Variants in PCDHGA2 observed in about 807,000 individuals in gnomAD.
PCDHGA2 encodes the protein protocadherin gamma subfamily A, 2, also known as protocadherin gamma-A2.
Under a neutral mutation model 59.2 loss-of-function variants are expected in PCDHGA2, and 40 were observed. The observed-to-expected ratio is 0.68, with a 90% CI of 0.52 to 0.88. PCDHGA2 has a LOEUF of 0.88. Among genes scored for constraint, PCDHGA2 ranks in the 40% least tolerant of loss-of-function variants. The pLI, the probability that PCDHGA2 is intolerant of heterozygous loss-of-function variation, is 0.00. For missense variants in PCDHGA2, 1,226 were observed against 1,204.0 expected, an observed-to-expected ratio of 1.02 and a Z score of -0.27; for synonymous variants, 560 against 526.0, an observed-to-expected ratio of 1.06 and a Z score of -0.89.
chr5:141,339,652 C>A lies in PCDHGA2; in HGVS notation c.681C>A (p.Arg227=), dbSNP rs1448747367. ...ACCCAGTGCTATCTGGCACCTCCCG[C>A]ATCTGCGTGAAGGTCCTGGATGCGA... The part of the protein sequence containing the change: ...GGDPVLSGTS[R]ICVKVLDAND... The change falls in exon 1 of 4, where the codon CGC becomes CGA. Residue 227 remains arginine, a synonymous_variant. Transcript: ENST00000394576. 2.5e-6 allele frequency: 4 copies of A among 1,614,090 alleles called. No individual in the cohort carries two copies. Among genetic ancestry groups the A allele is most frequent in the Admixed American group, 3.3e-5 (2 of 60,004 alleles).
intron 1 of PCDHGA2, among the ~76,000 whole-genome samples, chr5:141,347,056 T>TTCCTTCCTTCCTTCCTCTCTCTCTTTCC (rs1561493149): frequency 7.4e-6 from 1 of 135,426 alleles, no homozygotes; most frequent in African/African-American, 3.1e-5. Flanking sequence ...TCTTTCCTCC[T>TTCCTTCCTTCCTTCCTCTCTCTCTTTCC]TCCTTCCTTC....
chr5:141,354,727 C>A (rs749697850), intron 1 of PCDHGA2, among the ~76,000 whole-genome samples: 19 of 151,968 alleles, frequency 1.3e-4, no homozygotes, highest in Non-Finnish European at 1.8e-4. Flanking sequence ...TGGGGATGAA[C>A]AATGTGAAAA....
intron 1 of PCDHGA2, chr5:141,346,243 G>C (rs1319701381): frequency 1.2e-6 from 2 of 1,614,208 alleles, no homozygotes; most frequent in South Asian, 1.1e-5. Context: ...AGTACGCCCG[G>C]CTCGCACTTT....
chr5:141,339,354 A>C lies in PCDHGA2; in HGVS notation c.383A>C (p.Asp128Ala), dbSNP rs1241495177. ...GAGGTGGAAATAACAGATATTAACG[A>C]TAATGCCCCTCGCTTTGGAGTAGAG... ...SVEVEITDIN[D>A]NAPRFGVEEL... is the part of the protein sequence containing the mutation. The change falls in exon 1 of 4, where the codon GAT becomes GCT. Residue 128 changes from aspartate (D) to alanine (A), a missense_variant. Asp to Ala is a moderately radical substitution (Grantham distance 126). Coordinates refer to ENST00000394576, the MANE Select transcript of PCDHGA2 (RefSeq NM_018915.4). The C allele has an allele frequency of 6.2e-7, 1 of 1,614,206 alleles. No individual in the cohort carries two copies. Among genetic ancestry groups the C allele is most frequent in the South Asian group, 1.1e-5 (1 of 91,084 alleles).
At position 141,357,730 on chromosome 5, in the gene PCDHGA2, A is replaced by T. The variant is rs1330866437; in HGVS notation, c.2424+16335A>T. 35 of 1,357,520 alleles carry T rather than the reference A, an allele frequency of 2.6e-5. No individual in the cohort carries two copies. The East Asian group carries it at 8.3e-4, about 32-fold the overall frequency. The allele number at this position is 1,357,520 out of a possible 1,614,324, so 84.1% of individuals were successfully genotyped here. ...ATCAAATAAAGTTGCCTCTTTTAAT[A>T]TTTTATTGCTTTAAAGAAAACTGGT... On this transcript the variant is annotated intron_variant, in intron 1 of 3. Coordinates refer to ENST00000394576, the MANE Select transcript of PCDHGA2 (RefSeq NM_018915.4).
At chr5:141,405,476 G>A (rs1214119236) in intron 1 of PCDHGA2, 1 of 1,048,044 alleles carries the variant, frequency 9.5e-7, no homozygotes, top group Non-Finnish European at 1.4e-6. Flanking sequence ...CTGGAATGCA[G>A]TGGTGTGATC....
chr5:141,345,116 C>T, intron 1 of PCDHGA2: 1 of 1,613,858 alleles, frequency 6.2e-7, no homozygotes, highest in Non-Finnish European at 8.5e-7. Flanking sequence ...AAGAGGGCAC[C>T]GTTGGAAGAG....
chr5:141,494,818 C>T lies in PCDHGA2; in HGVS notation c.2436C>T (p.Pro812=). The part of the protein sequence containing the change: ...REETFSQQAP[P]NTDWRFSQAQ... ...TGTTTTCTCCACAGCAAGCCCCGCCCAACACGGACTGGCGTTTCTCTCAGG... is the reference window on the plus strand; with the variant it reads ...TGTTTTCTCCACAGCAAGCCCCGCCTAACACGGACTGGCGTTTCTCTCAGG... Residue 812 remains proline (P), a synonymous_variant, in exon 2 of 4, where the codon CCC becomes CCT. Transcript: ENST00000394576. 1.9e-6 allele frequency: 3 copies of T among 1,614,152 alleles called. No homozygotes were observed. The highest frequency in any genetic ancestry group is 2.2e-5 in the South Asian group (2 of 91,074).
chr5:141,476,158 G>A lies in PCDHGA2; in HGVS notation c.2425-18649G>A. 2 of 1,612,868 alleles carry A rather than the reference G, an allele frequency of 1.2e-6. No homozygotes were observed. Among genetic ancestry groups the A allele is most frequent in the Non-Finnish European group, 1.7e-6 (2 of 1,179,894 alleles). On this transcript the variant is annotated intron_variant, in intron 1 of 3. Transcript: ENST00000394576. The surrounding 1 kb of genome is among the most constrained non-coding windows in gnomAD (Gnocchi z 7.6). ...GGAGGAGCGGACTGGTAAGCACCGGGAGGGTAGTGGGAGTTTTGCTTCTGC... is the reference window on the plus strand; with the variant it reads ...GGAGGAGCGGACTGGTAAGCACCGGAAGGGTAGTGGGAGTTTTGCTTCTGC...
In PCDHGA2 at chr5:141,486,269, G is replaced by T; in HGVS notation, c.2425-8538G>T. 6.2e-7 allele frequency: 1 copy of T among 1,613,996 alleles called. No homozygotes were observed. The highest frequency in any genetic ancestry group is 8.5e-7 in the Non-Finnish European group (1 of 1,179,956). On this transcript the variant is annotated intron_variant, in intron 1 of 3. Transcript: ENST00000394576. The surrounding 1 kb of genome is among the most constrained non-coding windows in gnomAD (Gnocchi z 5.0). ...AACCCTCCCCGAGAGTGCAGAACCT[G>T]GCACTGTGGTGGCACTTATCAGTGT...
intron 1 of PCDHGA2, among the ~76,000 whole-genome samples, chr5:141,387,076 G>T (rs531327789): frequency 2.8e-4 from 42 of 152,310 alleles, no homozygotes; most frequent in African/African-American, 9.4e-4. Flanking sequence ...GTAGGCTACT[G>T]CCTGTGATCA....
intron 1 of PCDHGA2, among the ~76,000 whole-genome samples, chr5:141,484,821 G>A (rs1367529999): frequency 6.6e-6 from 1 of 152,122 alleles, no homozygotes; most frequent in Admixed American, 6.5e-5. Context: ...CGTTGAGCGG[G>A]AGGAAGGCGA....
chr5:141,364,955 G>A (rs267600453), intron 1 of PCDHGA2: 10 of 1,613,790 alleles, frequency 6.2e-6, no homozygotes, highest in South Asian at 5.5e-5. Flanking sequence ...GACTGTTCAC[G>A]ACCTCCTCCT....
chr5:141,419,465 G>T, intron 1 of PCDHGA2: 2 of 1,612,542 alleles, frequency 1.2e-6, no homozygotes, highest in Non-Finnish European at 1.7e-6. Context: ...GCAGGCCCGC[G>T]ACCAGGGCTC....
intron 1 of PCDHGA2, among the ~76,000 whole-genome samples, chr5:141,467,790 C>T (rs1321576171): frequency 6.6e-6 from 1 of 152,118 alleles, no homozygotes; most frequent in Non-Finnish European, 1.5e-5. Context: ...TCTCAAGTAG[C>T]TGGGACTACA....
chr5:141,420,673 A>T (rs1244699899), intron 1 of PCDHGA2, among the ~76,000 whole-genome samples: 5 of 152,208 alleles, frequency 3.3e-5, no homozygotes, highest in Admixed American at 3.3e-4. Flanking sequence ...CTACCTGATG[A>T]TTTTATCGGG....
Position 141,486,170 on chromosome 5 carries a change from C to A in PCDHGA2, c.2425-8637C>A. ...TGGGGGTTCTCCAGCCATGGAGCAACATTGCAGCCTTCGAGTGGATCTGCT... is the reference window on the plus strand; with the variant it reads ...TGGGGGTTCTCCAGCCATGGAGCAAAATTGCAGCCTTCGAGTGGATCTGCT... On this transcript the variant is annotated intron_variant, in intron 1 of 3. Coordinates refer to ENST00000394576, the MANE Select transcript of PCDHGA2 (RefSeq NM_018915.4). This position sits in a 1 kb window ranked among gnomAD's most constrained non-coding sequence, Gnocchi z 5.0. 6.2e-7 allele frequency: 1 copy of A among 1,614,234 alleles called. No homozygotes were observed. Among genetic ancestry groups the A allele is most frequent in the African/African-American group, 1.3e-5 (1 of 75,052 alleles).
At chr5:141,374,357 C>T (rs1490017184) in intron 1 of PCDHGA2, 1 of 1,614,018 alleles carries the variant, frequency 6.2e-7, no homozygotes, top group South Asian at 1.1e-5. Context: ...TAGGATAGAC[C>T]GCGAGGAGCT....
At chr5:141,403,513 T>C (rs754840157) in intron 1 of PCDHGA2, 1 of 1,613,714 alleles carries the variant, frequency 6.2e-7, no homozygotes, top group East Asian at 2.2e-5. Flanking sequence ...CTGGAGACAA[T>C]GGAGCCATAA....
Sources: allele counts gnomAD v4.1 joint callset (sites outside exome capture counted in the v4.1 genomes callset), GRCh38; gene constraint gnomAD v4.1.1; non-coding constraint Gnocchi (gnomAD v3.1); transcripts MANE v1.5; gene names NCBI Gene and HGNC (gene_info 2026-07-23, HGNC 2026-07-21).